RIPOR3: variants seen among roughly 807,000 people sequenced by gnomAD.
RIPOR3 encodes family with sequence similarity 65 member C.
A neutral mutation model predicts 114.3 loss-of-function variants in RIPOR3; 95 were observed. The observed-to-expected ratio is 0.83, with a 90% confidence interval of 0.70 to 0.99. The LOEUF (loss-of-function observed/expected upper bound fraction) is 0.99. Among genes scored for constraint, RIPOR3 ranks in the 50% least tolerant of loss-of-function variants. The probability of loss-of-function intolerance (pLI) is 0.00; values close to 1 mark genes in which losing one functional copy is unlikely to be tolerated. For synonymous variants in RIPOR3, 575 were observed against 543.8 expected (o/e 1.06, Z -0.80); for missense variants, 1,252 against 1,266.9 (o/e 0.99, Z 0.18).
chr20:50,600,881 G>A (rs1200267697), intron 13 of RIPOR3, among the ~76,000 whole-genome samples: 1 of 152,244 alleles, frequency 6.6e-6, no homozygotes, highest in Non-Finnish European at 1.5e-5. Context: ...ATATTTTAAA[G>A]TTATGGATGT....
At chr20:50,604,904 G>T in intron 11 of RIPOR3, 130 bp from the exon 12 acceptor site, 2 of 1,148,490 alleles carry the variant, frequency 1.7e-6, no homozygotes, top group South Asian at 1.5e-5. Context: ...CATGGATGGT[G>T]TGTGAGGAGC....
In RIPOR3 at chr20:50,596,150, G is replaced by T; in HGVS notation, c.1904C>A (p.Ala635Asp). 1 of 1,614,168 alleles carries T rather than the reference G, an allele frequency of 6.2e-7. No homozygotes were observed. The highest frequency in any genetic ancestry group is 8.5e-7 in the Non-Finnish European group (1 of 1,180,034). The change falls in exon 15 of 22, where the codon GCT (alanine) becomes GAT (aspartate). Residue 635 changes from alanine (A) to aspartate (D), a missense_variant. Physicochemically the swap from Ala to Asp is moderately radical, Grantham distance 126. Transcript: ENST00000327979. ...CCCTAGCCCAGCCACCTGCAGCAGA[G>T]CTTTGCAGACTTGGAGGTGTACCAT... The part of the protein sequence containing the change: ...LLMVHLQVCK[A>D]LLQKLASPNL...
chr20:50,621,907 C>CAT (rs1372268321), intron 2 of RIPOR3, among the ~76,000 whole-genome samples: 3 of 152,292 alleles, frequency 2.0e-5, no homozygotes, highest in African/African-American at 7.2e-5. Context: ...GATGTAGCAG[C>CAT]ATCTCAAGAC....
At chr20:50,629,828 C>T (rs940369598) in intron 2 of RIPOR3, among the ~76,000 whole-genome samples, 1 of 152,230 alleles carries the variant, frequency 6.6e-6, no homozygotes, top group Non-Finnish European at 1.5e-5. Flanking sequence ...GGCCCCATTG[C>T]CTAGTCTTCC....
intron 1 of RIPOR3, chr20:50,636,464 C>T (rs55759914): frequency 0.016 from 12,102 of 758,512 alleles, 124 homozygotes; most frequent in Non-Finnish European, 0.018. Flanking sequence ...GAGGAATGCT[C>T]GGGTGGCTTA....
chr20:50,587,806 C>G lies in RIPOR3; in HGVS notation c.2748G>C (p.Ser916=). 1 of 1,614,208 alleles carries G rather than the reference C, an allele frequency of 6.2e-7. No homozygotes were observed. The highest frequency in any genetic ancestry group is 8.5e-7 in the Non-Finnish European group (1 of 1,180,036). Residue 916 remains serine, a synonymous_variant, in exon 21 of 22, where the codon TCG becomes TCC. Transcript: ENST00000327979. The part of the protein sequence containing the change: ...VRAAARETTL[S]FGEKGRLAFE... ...ACAGTTTGTGCCACTTTTTACCGAA[C>G]GACAGTGTGGTTTCCCGGGCTGCCG...
At chr20:50,600,675 G>A (rs756431043) in intron 13 of RIPOR3, among the ~76,000 whole-genome samples, 7 of 152,072 alleles carry the variant, frequency 4.6e-5, no homozygotes, top group Non-Finnish European at 1.0e-4. Flanking sequence ...GGGGAGGATC[G>A]TGTGATCCCA....
At chr20:50,640,997 C>A (rs2085171106) in intron 1 of RIPOR3, among the ~76,000 whole-genome samples, 1 of 150,994 alleles carries the variant, frequency 6.6e-6, no homozygotes, top group Admixed American at 6.6e-5. Context: ...GCAACATCTG[C>A]CTCCTGGGTT....
intron 20 of RIPOR3, 83 bp from the exon 21 acceptor site, chr20:50,587,975 A>G: frequency 7.6e-7 from 1 of 1,320,376 alleles, no homozygotes; most frequent in African/African-American, 1.5e-5. Flanking sequence ...CTGCAGGGCC[A>G]GTCCTAGCAT....
intron 19 of RIPOR3, among the ~76,000 whole-genome samples, chr20:50,591,767 G>T (rs1475380684): frequency 6.6e-6 from 1 of 152,220 alleles, no homozygotes; most frequent in African/African-American, 2.4e-5. Context: ...AGGTAGCCAT[G>T]AATATTAATT....
intron 1 of RIPOR3, among the ~76,000 whole-genome samples, chr20:50,676,768 A>AATTTTTTTTTTTT (rs1568961079): frequency 7.1e-6 from 1 of 139,886 alleles, no homozygotes; most frequent in Non-Finnish European, 1.5e-5. Flanking sequence ...TCCAGATTCT[A>AATTTTTTTTTTTT]CTTTTTTTTT....
At chr20:50,611,306 A>AG in intron 4 of RIPOR3, 102 bp from the exon 5 acceptor site, 2 of 1,501,848 alleles carry the variant, frequency 1.3e-6, no homozygotes, top group South Asian at 2.3e-5. Flanking sequence ...TCAGAGTCAG[A>AG]GGACAGAAAG....
chr20:50,654,657 T>G (rs1353663885), intron 1 of RIPOR3, among the ~76,000 whole-genome samples: 2 of 151,998 alleles, frequency 1.3e-5, no homozygotes, highest in African/African-American at 4.8e-5. Flanking sequence ...TGTCCTCTCT[T>G]ATATCAGCTT....
chr20:50,625,032 G>A (rs535147095), intron 2 of RIPOR3, among the ~76,000 whole-genome samples: 8 of 152,158 alleles, frequency 5.3e-5, no homozygotes, highest in African/African-American at 1.4e-4. Context: ...GCATGCACTC[G>A]GCACTTGCCA....
At chr20:50,638,221 C>T (rs1479632143) in intron 1 of RIPOR3, among the ~76,000 whole-genome samples, 2 of 152,182 alleles carry the variant, frequency 1.3e-5, no homozygotes, top group Non-Finnish European at 2.9e-5. Flanking sequence ...AATGAGTGCC[C>T]TGATTTGTGA....
At chr20:50,632,293 A>G (rs147127567) in intron 1 of RIPOR3, among the ~76,000 whole-genome samples, 232 of 152,308 alleles carry the variant, frequency 1.5e-3, no homozygotes, top group Middle Eastern at 6.8e-3. Flanking sequence ...TCACAAGAGT[A>G]AAAGGGGAAT....
chr20:50,590,428 G>A (rs993556327), intron 19 of RIPOR3, among the ~76,000 whole-genome samples: 7 of 152,238 alleles, frequency 4.6e-5, no homozygotes, highest in Admixed American at 3.9e-4. Context: ...TCACTCAGTC[G>A]AGTGGCTGCA....
At chr20:50,601,443 AAAAT>A (rs1324495646) in intron 13 of RIPOR3, among the ~76,000 whole-genome samples, 1 of 152,238 alleles carries the variant, frequency 6.6e-6, no homozygotes, top group Non-Finnish European at 1.5e-5. Context: ...TTCATCTCAA[AAAAT>A]AAATACATAA....
In RIPOR3 at chr20:50,602,384, G is replaced by T. The variant is rs777641909; in HGVS notation, c.1347C>A (p.Asp449Glu). 4.3e-6 allele frequency: 7 copies of T among 1,612,798 alleles called. No homozygotes were observed. The highest frequency in any genetic ancestry group is 2.5e-6 in the Non-Finnish European group (3 of 1,179,634). ...HASIEEEARE[D>E]PLPPGLLPEM... ...CTGGCAGGAGACCTGGGGGCAGGGG[G>T]TCCTCCCGAGCCTCCTCTTCAATGG... The change falls in exon 13 of 22, where the codon GAC becomes GAA. Residue 449 changes from aspartate (D) to glutamate (E), a missense_variant. Transcript: ENST00000327979. The surrounding 1 kb of genome is among the most constrained non-coding windows in gnomAD (Gnocchi z 4.3).
Sources: allele counts gnomAD v4.1 joint callset (sites outside exome capture counted in the v4.1 genomes callset), GRCh38; gene constraint gnomAD v4.1.1; non-coding constraint Gnocchi (gnomAD v3.1); transcripts MANE v1.5; gene names NCBI Gene and HGNC (gene_info 2026-07-23, HGNC 2026-07-21).